MINK1: variants seen among roughly 807,000 people sequenced by gnomAD.
The protein encoded by MINK1 is misshapen-like kinase 1.
Under a neutral mutation model 178.4 loss-of-function variants are expected in MINK1, and 46 were observed. That is an observed-to-expected ratio of 0.26 (90% confidence interval 0.20 to 0.33). The LOEUF (loss-of-function observed/expected upper bound fraction) is 0.33, where lower values mean the gene tolerates loss of function less well. Ranked by LOEUF, MINK1 falls within the 10% of genes least tolerant of loss-of-function variation. MINK1 has a pLI of 1.00. For synonymous variants in MINK1, 797 were observed against 709.7 expected (o/e 1.12, Z -1.96); for missense variants, 1,366 against 1,814.9 (o/e 0.75, Z 4.49).
intron 1 of MINK1, chr17:4,834,655 G>T: frequency 2.2e-6 from 1 of 450,640 alleles, no homozygotes; most frequent in South Asian, 1.6e-5. Flanking sequence ...TTTGGCTTAA[G>T]GGGCAACTTA....
chr17:4,897,058 C>T lies in MINK1; in HGVS notation c.3916-146C>T, dbSNP rs372059802. 102 of 869,886 alleles carry T rather than the reference C, an allele frequency of 1.2e-4. 1 individual carries two copies. The highest frequency in any genetic ancestry group is 6.9e-4 in the African/African-American group (41 of 59,050). 53.9% of individuals were successfully genotyped at this position (869,886 alleles called of 1,614,324 possible). ...CTAACATCCCAGCCTGCCTTTCCTC[C>T]GGGTGAGGGGCACTGTGAGTCTCCT... On this transcript the variant is annotated intron_variant, in intron 31 of 31. Transcript: ENST00000355280.
chr17:4,893,401 T>C (rs375225966), intron 20 of MINK1, 33 bp from the exon 21 acceptor site: 37 of 1,600,940 alleles, frequency 2.3e-5, no homozygotes, highest in Non-Finnish European at 3.0e-5. Context: ...AGGCCCAGCT[T>C]CTCCCTGCCC....
intron 1 of MINK1, chr17:4,847,237 C>CATTA (rs772582965): frequency 1.5e-5 from 7 of 455,870 alleles, no homozygotes; most frequent in Admixed American, 2.4e-5. Context: ...CCAGTTCATT[C>CATTA]ATTCATTCAT....
At chr17:4,857,591 C>T (rs1377885204) in intron 1 of MINK1, among the ~76,000 whole-genome samples, 3 of 151,604 alleles carry the variant, frequency 2.0e-5, no homozygotes, top group South Asian at 2.1e-4. Flanking sequence ...CTCAGCCTCC[C>T]GAGTAGCTGG....
At position 4,891,453 on chromosome 17, in the gene MINK1, C is replaced by T; in HGVS notation, c.1741-3C>T. On this transcript the variant is annotated splice_polypyrimidine_tract_variant and splice_region_variant and intron_variant, in intron 15 of 31. Transcript: ENST00000355280. The stretch of plus-strand genomic sequence containing the variant: ...GCCCACCCTCCCTGGTCTCTCCCTG[C>T]AGAGCCTGGTGGCACACCGGGTCCC... 6.4e-7 allele frequency: 1 copy of T among 1,566,894 alleles called. No individual in the cohort carries two copies.
chr17:4,838,833 G>T (rs960605648), intron 1 of MINK1, among the ~76,000 whole-genome samples: 2 of 152,116 alleles, frequency 1.3e-5, no homozygotes, highest in African/African-American at 2.4e-5. Flanking sequence ...TGAGAATCAG[G>T]TTCCAGATTC....
chr17:4,855,820 AAAAAT>A (rs1280455477), intron 1 of MINK1, among the ~76,000 whole-genome samples: 1 of 151,440 alleles, frequency 6.6e-6, no homozygotes, highest in Non-Finnish European at 1.5e-5. Flanking sequence ...AAAATACAAA[AAAAAT>A]CAGCTGGATG....
At position 4,884,508 on chromosome 17, in the gene MINK1, C is replaced by T. The variant is rs762367043; in HGVS notation, c.417+35C>T. Reference sequence around the variant, plus strand: ...AGGCCCCTCCCCTTGTCTTCTCCTCCGCTACCCTGGCTGGAGTTTCTCCAT... The same window carrying T: ...AGGCCCCTCCCCTTGTCTTCTCCTCTGCTACCCTGGCTGGAGTTTCTCCAT... On this transcript the variant is annotated intron_variant, in intron 5 of 31. Coordinates refer to ENST00000355280, the MANE Select transcript of MINK1 (RefSeq NM_153827.5). 2.7e-5 allele frequency: 41 copies of T among 1,491,624 alleles called. 1 individual carries two copies. The highest frequency in any genetic ancestry group is 3.8e-5 in the Non-Finnish European group (41 of 1,070,010). 92.4% of individuals were successfully genotyped at this position (1,491,624 alleles called of 1,614,324 possible).
At chr17:4,877,498 G>A (rs952807578) in intron 1 of MINK1, among the ~76,000 whole-genome samples, 2 of 152,180 alleles carry the variant, frequency 1.3e-5, no homozygotes, top group Non-Finnish European at 2.9e-5. Context: ...GGACTGGGAA[G>A]AGGGAAGGAC....
intron 20 of MINK1, 97 bp from the exon 21 acceptor site, chr17:4,893,337 G>A: frequency 1.2e-6 from 2 of 1,613,428 alleles, no homozygotes; most frequent in Non-Finnish European, 8.5e-7. Context: ...GCTTGTGGGA[G>A]CCCCTCCTGT....
chr17:4,866,997 C>T (rs577309994), intron 1 of MINK1, among the ~76,000 whole-genome samples: 8 of 148,662 alleles, frequency 5.4e-5, no homozygotes, highest in African/African-American at 1.7e-4. Flanking sequence ...GGCGTGAACC[C>T]GGGAGGCGGA....
chr17:4,894,452 G>A lies in MINK1; in HGVS notation c.2809-73G>A, dbSNP rs1969214976. On this transcript the variant is annotated intron_variant, in intron 23 of 31. Transcript: ENST00000355280. The surrounding 1 kb of genome is among the most constrained non-coding windows in gnomAD (Gnocchi z 4.1). ...GGTGCCAGTTGGGGAGCTGGAGCCT[G>A]GGGAACAGCAGCAGGGGCAGGGCCG... The A allele has an allele frequency of 1.3e-6, 2 of 1,518,900 alleles. No homozygotes were observed. The highest frequency in any genetic ancestry group is 1.8e-6 in the Non-Finnish European group (2 of 1,117,384). The allele number at this position is 1,518,900 out of a possible 1,614,324, so 94.1% of individuals were successfully genotyped here. A position where few individuals can be genotyped will look rare whatever the true frequency, so the allele number is the denominator to read the frequency against.
At chr17:4,854,595 T>TA (rs1912724510) in intron 1 of MINK1, among the ~76,000 whole-genome samples, 1 of 152,188 alleles carries the variant, frequency 6.6e-6, no homozygotes, top group Non-Finnish European at 1.5e-5. Context: ...GTCTCACACA[T>TA]CCCTCTGGCA....
At chr17:4,870,526 C>T (rs72835039) in intron 1 of MINK1, among the ~76,000 whole-genome samples, 11,362 of 151,890 alleles carry the variant, frequency 0.075, 467 homozygotes, top group Non-Finnish European at 0.095. Context: ...TAAAATTTAC[C>T]CTTTTAAAAT....
At chr17:4,847,104 C>G (rs1194528930) in intron 1 of MINK1, 14 of 457,236 alleles carry the variant, frequency 3.1e-5, no homozygotes, top group Non-Finnish European at 2.2e-5. Flanking sequence ...TTGCCTATCT[C>G]TAAAGAGCTG....
In MINK1 at chr17:4,889,681, A is replaced by G. The variant is rs1488259249; in HGVS notation, c.1265A>G (p.Gln422Arg). The change falls in exon 13 of 32, where the codon CAG becomes CGG. Residue 422 changes from glutamine to arginine, a missense_variant. Transcript: ENST00000355280. ...QRREREQRKL[Q>R]EKEQQRRLED... ...CGGGAGCGGGAGCAGCGGAAGCTGC[A>G]GGAGAAGGAGCAGCAGCGGCGGCTG... 6.4e-7 allele frequency: 1 copy of G among 1,563,196 alleles called. No individual in the cohort carries two copies. Among genetic ancestry groups the G allele is most frequent in the South Asian group, 1.2e-5 (1 of 85,310 alleles).
At chr17:4,853,251 AGT>A (rs1418362513) in intron 1 of MINK1, among the ~76,000 whole-genome samples, 2 of 35,704 alleles carry the variant, frequency 5.6e-5, no homozygotes, top group Non-Finnish European at 4.9e-5. Flanking sequence ...TGGTGGGAAG[AGT>A]GTGGTTGGTG....
chr17:4,866,471 TAA>T (rs960807944), intron 1 of MINK1, among the ~76,000 whole-genome samples: 2 of 135,278 alleles, frequency 1.5e-5, no homozygotes, highest in African/African-American at 5.5e-5. Context: ...GTCTCAAAAT[TAA>T]AAAAAAAAAA....
At position 4,886,684 on chromosome 17, in the gene MINK1, C is replaced by G. The variant is rs966786102; in HGVS notation, c.949+58C>G. On this transcript the variant is annotated intron_variant, in intron 10 of 31. Coordinates refer to ENST00000355280, the MANE Select transcript of MINK1 (RefSeq NM_153827.5). This position sits in a 1 kb window ranked among gnomAD's most constrained non-coding sequence, Gnocchi z 6.1. ...GGGGACACTCCAGCCTGGCTCCTCT[C>G]TGCCAGCCCTGCTCGCTCCTGGCAC... 5 of 1,469,532 alleles carry G rather than the reference C, an allele frequency of 3.4e-6. No homozygotes were observed. Among genetic ancestry groups the G allele is most frequent in the Non-Finnish European group, 4.5e-6 (5 of 1,108,016 alleles). The allele number at this position is 1,469,532 out of a possible 1,614,324, so 91.0% of individuals were successfully genotyped here.
Sources: gnomAD v4.1 joint callset for allele counts (sites outside exome capture counted in the v4.1 genomes callset) on GRCh38, gnomAD v4.1.1 for gene constraint, Gnocchi (gnomAD v3.1) non-coding constraint, MANE v1.5 for transcripts, NCBI Gene and HGNC (gene_info 2026-07-23, HGNC 2026-07-21) for gene names.